The following HS2ST1 variants were observed in gnomAD, a reference collection of about 807,000 sequenced individuals.
HS2ST1 encodes the protein heparan sulfate 2-O-sulfotransferase 1.
Under a neutral mutation model 42.9 loss-of-function variants are expected in HS2ST1, and 18 were observed. That is an observed-to-expected ratio of 0.42 (90% CI 0.29 to 0.62). The LOEUF is 0.62. Among genes scored for constraint, HS2ST1 ranks in the 20% least tolerant of loss-of-function variants. The pLI is 0.21. For missense variants in HS2ST1, 334 were observed against 433.8 expected (o/e 0.77, Z 2.04); for synonymous variants, 146 against 152.9 (o/e 0.95, Z 0.33).
chr1:86,935,455 C>CTTTTTTTTTTTTTT (rs552713297), intron 1 of HS2ST1, among the ~76,000 whole-genome samples: 7 of 62,066 alleles, frequency 1.1e-4, no homozygotes, highest in Non-Finnish European at 1.8e-4. Context: ...TCTTTTTCTC[C>CTTTTTTTTTTTTTT]TTTTTTTTTT....
intron 1 of HS2ST1, among the ~76,000 whole-genome samples, chr1:86,924,237 C>T (rs1274487058): frequency 6.6e-6 from 1 of 152,224 alleles, no homozygotes; most frequent in Non-Finnish European, 1.5e-5. Flanking sequence ...CTCCCATGGC[C>T]TTGGGCAGCT....
chr1:87,083,598 G>A (rs779916586), intron 2 of HS2ST1, among the ~76,000 whole-genome samples: 1 of 151,822 alleles, frequency 6.6e-6, no homozygotes, highest in Non-Finnish European at 1.5e-5. Flanking sequence ...ATTCCAATAA[G>A]TTAAATATTT....
intron 1 of HS2ST1, chr1:87,046,640 T>G: frequency 6.5e-7 from 1 of 1,547,290 alleles, no homozygotes. Context: ...AACGAATGCA[T>G]CAGATCAACA....
intron 3 of HS2ST1, among the ~76,000 whole-genome samples, chr1:87,089,395 A>C (rs1199528403): frequency 6.6e-6 from 1 of 152,050 alleles, no homozygotes; most frequent in Non-Finnish European, 1.5e-5. Context: ...TCGTGTTCTA[A>C]CAGGTCAACA....
At chr1:86,936,095 G>A (rs1377746113) in intron 1 of HS2ST1, among the ~76,000 whole-genome samples, 2 of 123,676 alleles carry the variant, frequency 1.6e-5, no homozygotes. Context: ...ATTTCTCTCT[G>A]TCTCTTTGCC....
chr1:87,064,935 G>A (rs1651210767), intron 1 of HS2ST1, among the ~76,000 whole-genome samples: 1 of 152,176 alleles, frequency 6.6e-6, no homozygotes, highest in South Asian at 2.1e-4. Flanking sequence ...CCAAAGTGCT[G>A]GGATTACAGA....
At chr1:87,046,580 A>G in intron 1 of HS2ST1, 1 of 1,578,832 alleles carries the variant, frequency 6.3e-7, no homozygotes, top group South Asian at 1.1e-5. Flanking sequence ...GCGGAAAAGG[A>G]AACCTCCAGT....
intron 1 of HS2ST1, among the ~76,000 whole-genome samples, chr1:87,051,038 G>T (rs1057147517): frequency 6.6e-6 from 1 of 152,054 alleles, no homozygotes; most frequent in Non-Finnish European, 1.5e-5. Flanking sequence ...CTTAGATTGT[G>T]GAGTGAAGAA....
At chr1:87,038,541 G>A (rs1650439740) in intron 1 of HS2ST1, among the ~76,000 whole-genome samples, 1 of 152,060 alleles carries the variant, frequency 6.6e-6, no homozygotes. Flanking sequence ...AAGTTATTCT[G>A]GAAAGTCCTG....
At position 87,084,254 on chromosome 1, in the gene HS2ST1, C is replaced by T. The variant is rs1651762091; in HGVS notation, c.424C>T (p.His142Tyr). 6.2e-7 allele frequency: 1 copy of T among 1,605,208 alleles called. No individual in the cohort carries two copies. The highest frequency in any genetic ancestry group is 8.5e-7 in the Non-Finnish European group (1 of 1,175,280). Residue 142 changes from histidine to tyrosine, a missense_variant, in exon 3 of 7, where the codon CAC (histidine) becomes TAC (tyrosine). Coordinates refer to ENST00000370550, the MANE Select transcript of HS2ST1 (RefSeq NM_012262.4). ...KEMKPGFYHG[H>Y]VSYLDFAKFG... is the part of the protein sequence containing the mutation. ...GATGAAACCAGGATTTTATCATGGA[C>T]ACGTTTCTTACTTGGATTTTGCAAA...
At chr1:87,089,315 A>G (rs1231133987) in intron 3 of HS2ST1, among the ~76,000 whole-genome samples, 2 of 152,054 alleles carry the variant, frequency 1.3e-5, no homozygotes, top group Non-Finnish European at 2.9e-5. Flanking sequence ...TGCTGCTCAG[A>G]TTATATCTTT....
intron 1 of HS2ST1, among the ~76,000 whole-genome samples, chr1:87,054,080 TGA>T (rs1650899063): frequency 6.6e-6 from 1 of 152,158 alleles, no homozygotes; most frequent in Non-Finnish European, 1.5e-5. Context: ...CATGGGCACA[TGA>T]AACTCACTGT....
At chr1:87,003,397 G>A (rs1275998733) in intron 1 of HS2ST1, among the ~76,000 whole-genome samples, 1 of 152,176 alleles carries the variant, frequency 6.6e-6, no homozygotes, top group Non-Finnish European at 1.5e-5. Context: ...AATGTATACA[G>A]TATTCATGAA....
At chr1:86,931,954 T>C (rs1333073131) in intron 1 of HS2ST1, among the ~76,000 whole-genome samples, 1 of 152,130 alleles carries the variant, frequency 6.6e-6, no homozygotes, top group Non-Finnish European at 1.5e-5. Flanking sequence ...TTCTTCTTTT[T>C]GTAGAGACAA....
chr1:87,090,644 G>C (rs781460202), intron 3 of HS2ST1, among the ~76,000 whole-genome samples: 1 of 151,934 alleles, frequency 6.6e-6, no homozygotes, highest in Non-Finnish European at 1.5e-5. Flanking sequence ...TTTAATATGA[G>C]TTGTGTCATG....
At chr1:86,969,020 T>C (rs2102207000) in intron 1 of HS2ST1, among the ~76,000 whole-genome samples, 1 of 152,354 alleles carries the variant, frequency 6.6e-6, no homozygotes, top group Admixed American at 6.5e-5. Flanking sequence ...ACCAATTCCA[T>C]GTAAGTAAGG....
At chr1:87,009,664 G>A (rs549125078) in intron 1 of HS2ST1, among the ~76,000 whole-genome samples, 65 of 152,262 alleles carry the variant, frequency 4.3e-4, no homozygotes, top group Non-Finnish European at 8.1e-4. Context: ...GTTCTGCTCT[G>A]TACCCGCTTA....
intron 1 of HS2ST1, among the ~76,000 whole-genome samples, chr1:86,979,048 G>T (rs1244988929): frequency 1.3e-5 from 2 of 151,600 alleles, no homozygotes; most frequent in South Asian, 2.1e-4. Context: ...TAGAGATGGG[G>T]TTTTGCCATG....
intron 1 of HS2ST1, among the ~76,000 whole-genome samples, chr1:86,970,218 C>T (rs188106730): frequency 3.3e-5 from 5 of 151,588 alleles, no homozygotes. Context: ...TTCATCCTAA[C>T]AATGCACATT....
Sources: gnomAD v4.1 joint callset for allele counts (sites outside exome capture counted in the v4.1 genomes callset) on GRCh38, gnomAD v4.1.1 for gene constraint, MANE v1.5 for transcripts, NCBI Gene and HGNC (gene_info 2026-07-23, HGNC 2026-07-21) for gene names.